Variants in FBXW11 observed in about 807,000 individuals in gnomAD.
FBXW11 encodes the protein F-box/WD repeat-containing protein 11.
FBXW11 carries 19 observed loss-of-function variants against 77.6 expected under a neutral mutation model. That is an observed-to-expected ratio of 0.24 (90% CI 0.17 to 0.36). The LOEUF (loss-of-function observed/expected upper bound fraction) is 0.36. Among genes scored for constraint, FBXW11 ranks in the 10% least tolerant of loss-of-function variants. The pLI, the probability that FBXW11 is intolerant of heterozygous loss-of-function variation, is 1.00. For synonymous variants in FBXW11, 235 were observed against 249.4 expected (o/e 0.94, Z 0.54); for missense variants, 334 against 704.2 (o/e 0.47, Z 5.95).
At chr5:171,899,891 G>T (rs762325284) in intron 5 of FBXW11, 23 bp downstream of exon 5, 2 of 1,554,282 alleles carry the variant, frequency 1.3e-6, no homozygotes, top group Admixed American at 1.9e-5. Flanking sequence ...TTTTTCAAGG[G>T]AACAAGCAAC....
At chr5:171,925,340 C>T (rs1236899713) in intron 2 of FBXW11, among the ~76,000 whole-genome samples, 1 of 152,148 alleles carries the variant, frequency 6.6e-6, no homozygotes, top group African/African-American at 2.4e-5. Flanking sequence ...AAGATATTTT[C>T]ACACCTCTCT....
At chr5:171,986,812 C>CT (rs755844212) in intron 1 of FBXW11, among the ~76,000 whole-genome samples, 2 of 152,300 alleles carry the variant, frequency 1.3e-5, no homozygotes, top group African/African-American at 2.4e-5. Flanking sequence ...TAGCTTGCAT[C>CT]TTATGACATA....
intron 7 of FBXW11, among the ~76,000 whole-genome samples, chr5:171,878,591 T>TGTGTGTGTGTG (rs1561640265): frequency 5.2e-4 from 50 of 95,536 alleles, no homozygotes; most frequent in African/African-American, 1.2e-3. Flanking sequence ...TGTGTGTGTG[T>TGTGTGTGTGTG]AAGAGAGAGA....
At chr5:171,998,973 G>T (rs1006832423) in intron 1 of FBXW11, among the ~76,000 whole-genome samples, 1 of 152,072 alleles carries the variant, frequency 6.6e-6, no homozygotes, top group African/African-American at 2.4e-5. Flanking sequence ...TCTTAAAGAT[G>T]TTCTGATTGT....
intron 1 of FBXW11, among the ~76,000 whole-genome samples, chr5:171,995,938 G>A (rs1273256034): frequency 3.3e-5 from 5 of 152,106 alleles, no homozygotes; most frequent in Non-Finnish European, 4.4e-5. Context: ...AGAGCTTTGA[G>A]GACACCTAAA....
intron 7 of FBXW11, among the ~76,000 whole-genome samples, chr5:171,890,462 C>T (rs1759265651): frequency 7.3e-6 from 1 of 136,320 alleles, no homozygotes; most frequent in Admixed American, 8.4e-5. Flanking sequence ...ACCCAGGAGG[C>T]AGGTGACAGA....
At chr5:171,894,753 A>G (rs1759624929) in intron 6 of FBXW11, among the ~76,000 whole-genome samples, 1 of 150,926 alleles carries the variant, frequency 6.6e-6, no homozygotes, top group South Asian at 2.1e-4. Flanking sequence ...CCACTGTGGT[A>G]GAAAATACCT....
intron 1 of FBXW11, among the ~76,000 whole-genome samples, chr5:172,005,921 G>GCC (rs201500668): frequency 4.6e-5 from 7 of 152,008 alleles, no homozygotes; most frequent in East Asian, 3.9e-4. Context: ...AAAGCTCCCT[G>GCC]CCCCCCCAGC....
rs564213200 is a variant in FBXW11 at position 171,950,908 on chromosome 5, AT to A, written c.147+6688del. On this transcript the variant is annotated intron_variant, in intron 2 of 13. Coordinates refer to ENST00000517395, the MANE Select transcript of FBXW11 (RefSeq NM_001378974.1). ...TCTCAAAAAAATACATAAATAAATAATTTTTTTTTAATTTAAATGAGGGAAT... is the reference window on the plus strand; with the variant it reads ...TCTCAAAAAAATACATAAATAAATAATTTTTTTTAATTTAAATGAGGGAAT... Among the ~76,000 whole-genome samples the A allele has an allele frequency of 4.6e-4, 69 of 151,584 alleles. No individual in the cohort carries two copies. The South Asian group carries it at 0.013, about 28-fold the overall frequency.
Position 171,983,768 on chromosome 5 carries a change from T to C in FBXW11, c.45+22690A>G, listed in dbSNP as rs143538172. Among the ~76,000 whole-genome samples, 112 of 152,246 alleles carry C rather than the reference T, an allele frequency of 7.4e-4. 1 individual carries two copies. The highest frequency in any genetic ancestry group is 2.4e-3 in the African/African-American group (99 of 41,556). On this transcript the variant is annotated intron_variant, in intron 1 of 13. Coordinates refer to ENST00000517395, the MANE Select transcript of FBXW11 (RefSeq NM_001378974.1). ...AAGCAGTATCTATTAAAGCTAAATA[T>C]ATGCCTACCCCCATTACCCAGTAAT...
chr5:172,006,400 C>T, intron 1 of FBXW11, 58 bp downstream of exon 1: 3 of 1,462,822 alleles, frequency 2.1e-6, no homozygotes, highest in East Asian at 2.7e-5. Context: ...TTGAGGTGGG[C>T]AGGCCCGCCC....
intron 7 of FBXW11, among the ~76,000 whole-genome samples, chr5:171,891,040 T>C (rs950049333): frequency 1.3e-5 from 2 of 151,974 alleles, no homozygotes; most frequent in African/African-American, 2.4e-5. Flanking sequence ...CATGGAAAAA[T>C]AATCCAGTTT....
intron 1 of FBXW11, among the ~76,000 whole-genome samples, chr5:171,961,107 A>G (rs559781080): frequency 1.3e-5 from 2 of 152,340 alleles, no homozygotes; most frequent in South Asian, 4.1e-4. Context: ...AGAAGAGGAA[A>G]CACAGGCTCA....
At chr5:172,002,261 A>T (rs1766452163) in intron 1 of FBXW11, among the ~76,000 whole-genome samples, 1 of 152,234 alleles carries the variant, frequency 6.6e-6, no homozygotes, top group South Asian at 2.1e-4. Flanking sequence ...AGCAGTCAAG[A>T]GCCCAGAATG....
intron 2 of FBXW11, among the ~76,000 whole-genome samples, chr5:171,917,652 A>C (rs1243373500): frequency 6.6e-6 from 1 of 152,148 alleles, no homozygotes; most frequent in Non-Finnish European, 1.5e-5. Flanking sequence ...TGACCAGAGG[A>C]TCCAGAGGAT....
intron 2 of FBXW11, among the ~76,000 whole-genome samples, chr5:171,941,804 G>C (rs1030672): frequency 6.6e-6 from 1 of 150,534 alleles, no homozygotes; most frequent in East Asian, 2.0e-4. Flanking sequence ...CAGGAATAAA[G>C]GTGCTAAAAA....
intron 7 of FBXW11, among the ~76,000 whole-genome samples, chr5:171,883,889 G>A (rs1758699884): frequency 6.6e-6 from 1 of 151,930 alleles, no homozygotes; most frequent in Admixed American, 6.6e-5. Context: ...AGTTCATTGT[G>A]TTTGTTTTTT....
At chr5:171,917,608 A>G (rs1201608934) in intron 2 of FBXW11, among the ~76,000 whole-genome samples, 3 of 152,172 alleles carry the variant, frequency 2.0e-5, no homozygotes, top group Non-Finnish European at 2.9e-5. Context: ...GTTTCAGAAG[A>G]CACCAAAGGG....
At chr5:171,914,271 G>C in intron 3 of FBXW11, 72 bp downstream of exon 3, 2 of 1,286,786 alleles carry the variant, frequency 1.6e-6, no homozygotes, top group Non-Finnish European at 2.2e-6. Flanking sequence ...ATTCCACTGA[G>C]GACATTAACT....
Sources: gnomAD v4.1 joint callset for allele counts (sites outside exome capture counted in the v4.1 genomes callset) on GRCh38, gnomAD v4.1.1 for gene constraint, MANE v1.5 for transcripts, NCBI Gene and HGNC (gene_info 2026-07-23, HGNC 2026-07-21) for gene names.